The following MACROD2 variants were observed in gnomAD, a reference collection of about 807,000 sequenced individuals.
The protein encoded by MACROD2 is ADP-ribose glycohydrolase MACROD2.
In MACROD2, 36 loss-of-function variants were observed where a neutral mutation model predicts 70.4. That is an observed-to-expected ratio of 0.51 (90% CI 0.39 to 0.68). The LOEUF is 0.68. MACROD2 is among the 30% of genes least tolerant of loss of function. The pLI, the probability that MACROD2 is intolerant of heterozygous loss-of-function variation, is 0.00. For missense variants in MACROD2, 496 were observed against 538.4 expected, an observed-to-expected ratio of 0.92 and a Z score of 0.78; for synonymous variants, 172 against 178.8, an observed-to-expected ratio of 0.96 and a Z score of 0.30.
At chr20:15,422,144 G>C (rs2046237352) in intron 6 of MACROD2, among the ~76,000 whole-genome samples, 1 of 152,166 alleles carries the variant, frequency 6.6e-6, no homozygotes, top group Admixed American at 6.5e-5. Flanking sequence ...AGGATTGGAG[G>C]TTATGGTTGT....
intron 6 of MACROD2, among the ~76,000 whole-genome samples, chr20:15,275,016 G>T (rs1247857489): frequency 6.6e-6 from 1 of 151,924 alleles, no homozygotes; most frequent in Non-Finnish European, 1.5e-5. Flanking sequence ...GCAGCCCAGG[G>T]TATCCAATAA....
chr20:15,112,950 C>CTGTGTGTGTGTGTGTGTGTGTGTGTG (rs11467446), intron 5 of MACROD2, among the ~76,000 whole-genome samples: 26 of 146,002 alleles, frequency 1.8e-4, no homozygotes, highest in Non-Finnish European at 3.5e-4. Flanking sequence ...TAATATTTCA[C>CTGTGTGTGTGTGTGTGTGTGTGTGTG]TGTGTGTGTG....
intron 15 of MACROD2, among the ~76,000 whole-genome samples, chr20:16,023,295 GA>G (rs2067028947): frequency 6.6e-6 from 1 of 151,770 alleles, no homozygotes; most frequent in African/African-American, 2.4e-5. Flanking sequence ...CTAACACGGT[GA>G]AACCCCGTCT....
chr20:14,530,527 A>T (rs1310024515), intron 4 of MACROD2, among the ~76,000 whole-genome samples: 1 of 152,184 alleles, frequency 6.6e-6, no homozygotes, highest in Non-Finnish European at 1.5e-5. Context: ...TTCATGTTAT[A>T]TTCTGGCAGA....
At chr20:15,655,469 GT>G (rs1237697634) in intron 8 of MACROD2, among the ~76,000 whole-genome samples, 2 of 148,692 alleles carry the variant, frequency 1.3e-5, no homozygotes, top group African/African-American at 4.9e-5. Flanking sequence ...GTGGTTTGGG[GT>G]TTAGGTGTGG....
At chr20:14,765,486 A>G (rs969453110) in intron 5 of MACROD2, among the ~76,000 whole-genome samples, 3 of 152,028 alleles carry the variant, frequency 2.0e-5, no homozygotes, top group African/African-American at 7.3e-5. Flanking sequence ...TTGTATGCCT[A>G]TGTTTACAAC....
intron 5 of MACROD2, among the ~76,000 whole-genome samples, chr20:15,056,085 C>T (rs924107533): frequency 2.0e-5 from 3 of 152,106 alleles, no homozygotes; most frequent in African/African-American, 7.2e-5. Flanking sequence ...CAGCACCTGG[C>T]CGAAAGCAAC....
At chr20:15,749,143 T>A (rs962103952) in intron 8 of MACROD2, among the ~76,000 whole-genome samples, 2 of 152,300 alleles carry the variant, frequency 1.3e-5, no homozygotes, top group Non-Finnish European at 2.9e-5. Flanking sequence ...TGTTTTAACA[T>A]CTTGCTTTCT....
intron 13 of MACROD2, among the ~76,000 whole-genome samples, chr20:15,983,609 T>G (rs925071168): frequency 6.6e-6 from 1 of 152,098 alleles, no homozygotes; most frequent in African/African-American, 2.4e-5. Flanking sequence ...TGCAGGGACT[T>G]TGGGATATAG....
chr20:15,026,191 A>G (rs1255451005), intron 5 of MACROD2, among the ~76,000 whole-genome samples: 1 of 152,208 alleles, frequency 6.6e-6, no homozygotes, highest in Non-Finnish European at 1.5e-5. Context: ...AACATATTAA[A>G]GGTCCTTGAG....
At position 14,499,940 on chromosome 20, in the gene MACROD2, A is replaced by C. The variant is rs545066001; in HGVS notation, c.301+6432A>C. Reference sequence around the variant, plus strand: ...CAGAGGCATAAGTACTTATTTACACATTAATATTTTAAGAACTAAATAGGT... The same window carrying C: ...CAGAGGCATAAGTACTTATTTACACCTTAATATTTTAAGAACTAAATAGGT... On this transcript the variant is annotated intron_variant, in intron 4 of 17. Coordinates refer to ENST00000684519, the MANE Select transcript of MACROD2 (RefSeq NM_001351661.2). 6.6e-5 allele frequency among the ~76,000 whole-genome samples: 10 copies of C among 152,332 alleles called. No individual in the cohort carries two copies. In the South Asian group the frequency reaches 2.1e-3, roughly 32 times the overall value.
chr20:15,817,293 G>A (rs1827769603), intron 8 of MACROD2, among the ~76,000 whole-genome samples: 1 of 152,198 alleles, frequency 6.6e-6, no homozygotes, highest in Admixed American at 6.5e-5. Flanking sequence ...GAAAGAAAGA[G>A]ATAGGCTGTG....
intron 15 of MACROD2, 52 bp from the exon 16 acceptor site, chr20:16,041,149 A>T: frequency 1.4e-6 from 2 of 1,476,418 alleles, no homozygotes. Context: ...ATTGGCCCTC[A>T]GGCTGTTATA....
At chr20:14,581,594 T>C (rs1451319497) in intron 4 of MACROD2, among the ~76,000 whole-genome samples, 1 of 152,222 alleles carries the variant, frequency 6.6e-6, no homozygotes, top group Non-Finnish European at 1.5e-5. Flanking sequence ...ATATTACTTT[T>C]ACATTATTTA....
intron 6 of MACROD2, among the ~76,000 whole-genome samples, chr20:15,258,084 C>CAT (rs1056058503): frequency 3.7e-4 from 55 of 150,196 alleles, no homozygotes; most frequent in African/African-American, 1.2e-3. Flanking sequence ...TTATAGAACA[C>CAT]ATATATATAG....
chr20:16,041,983 A>G (rs1430093882), intron 16 of MACROD2, among the ~76,000 whole-genome samples: 1 of 152,006 alleles, frequency 6.6e-6, no homozygotes, highest in African/African-American at 2.4e-5. Flanking sequence ...GTTTAGGAGA[A>G]CCAGAATTGG....
At chr20:14,781,684 T>C (rs1463394137) in intron 5 of MACROD2, among the ~76,000 whole-genome samples, 2 of 151,870 alleles carry the variant, frequency 1.3e-5, no homozygotes, top group Non-Finnish European at 2.9e-5. Context: ...AAGAAAATGA[T>C]GGTAAATGTA....
intron 5 of MACROD2, among the ~76,000 whole-genome samples, chr20:15,033,131 T>A (rs1310640277): frequency 6.6e-6 from 1 of 152,130 alleles, no homozygotes; most frequent in Non-Finnish European, 1.5e-5. Flanking sequence ...GATGAAAATG[T>A]TCTGGAAATG....
rs145791454 is a variant in MACROD2 at position 14,741,825 on chromosome 20, T to C, written c.418+56866T>C. On this transcript the variant is annotated intron_variant, in intron 5 of 17. Transcript: ENST00000684519. ...ACCCAGTTTTTTTAAAATGAGCCCATTGGATTAAAAAAAATCAGAAAAACT... is the reference window on the plus strand; with the variant it reads ...ACCCAGTTTTTTTAAAATGAGCCCACTGGATTAAAAAAAATCAGAAAAACT... Among the ~76,000 whole-genome samples the C allele has an allele frequency of 2.6e-5, 4 of 152,180 alleles. 1 individual carries two copies. The highest frequency in any genetic ancestry group is 9.6e-5 in the African/African-American group (4 of 41,530).
Sources: gnomAD v4.1 joint callset for allele counts (sites outside exome capture counted in the v4.1 genomes callset) on GRCh38, gnomAD v4.1.1 for gene constraint, MANE v1.5 for transcripts, NCBI Gene and HGNC (gene_info 2026-07-23, HGNC 2026-07-21) for gene names.